Variants in KLF12 observed in about 807,000 individuals in gnomAD.
The protein encoded by KLF12 is KLF transcription factor 12.
A neutral mutation model predicts 37.8 loss-of-function variants in KLF12; 9 were observed. The ratio of observed to expected loss-of-function variants is 0.24; its 90% CI spans 0.14 to 0.42. The LOEUF is 0.42. KLF12 is among the 10% of genes least tolerant of loss of function. KLF12 has a pLI of 1.00. For missense variants in KLF12, 411 were observed against 516.0 expected, an observed-to-expected ratio of 0.80 and a Z score of 1.97; for synonymous variants, 208 against 202.1, an observed-to-expected ratio of 1.03 and a Z score of -0.25.
intron 1 of KLF12, among the ~76,000 whole-genome samples, chr13:74,097,867 T>A (rs1201553537): frequency 3.9e-5 from 6 of 152,086 alleles, no homozygotes; most frequent in Non-Finnish European, 8.8e-5. Flanking sequence ...TATATATTTT[T>A]AAATATTCCT....
chr13:74,255,275 G>C, the KLF12 span, among the ~76,000 whole-genome samples: 1 of 152,204 alleles, frequency 6.6e-6, no homozygotes, highest in Non-Finnish European at 1.5e-5. Flanking sequence ...CTGTCTTCAA[G>C]TTAAAGAAGG....
the KLF12 span, among the ~76,000 whole-genome samples, chr13:74,205,889 A>T: frequency 6.6e-6 from 1 of 152,252 alleles, no homozygotes; most frequent in East Asian, 1.9e-4. Context: ...ATTGATGAAT[A>T]TGAACCCTGT....
the KLF12 span, among the ~76,000 whole-genome samples, chr13:74,157,270 A>C: frequency 2.0e-4 from 30 of 152,242 alleles, no homozygotes; most frequent in African/African-American, 7.2e-4. Context: ...TATTTTTTCC[A>C]AGTATCTCTT....
chr13:74,158,335 T>C, the KLF12 span, among the ~76,000 whole-genome samples: 1 of 152,168 alleles, frequency 6.6e-6, no homozygotes, highest in South Asian at 2.1e-4. Context: ...AGCTGGGAGT[T>C]GCTCAAATTC....
At chr13:73,805,177 T>C (rs780556203) in intron 5 of KLF12, among the ~76,000 whole-genome samples, 2 of 152,200 alleles carry the variant, frequency 1.3e-5, no homozygotes, top group African/African-American at 4.8e-5. Context: ...AAAAACACTC[T>C]ACTATTTTAC....
At position 73,690,158 on chromosome 13, in the gene KLF12, G is replaced by GA. The variant is rs376806932; in HGVS notation, c.*5331dup. 1 of 152,398 alleles carries GA rather than the reference G, an allele frequency of 6.6e-6. No individual in the cohort carries two copies. The highest frequency in any genetic ancestry group is 1.5e-5 in the Non-Finnish European group (1 of 67,990). The allele number at this position is 152,398 out of a possible 1,614,324, so 9.4% of individuals were successfully genotyped here. A position where few individuals can be genotyped will look rare whatever the true frequency, so the allele number is the denominator to read the frequency against. On this transcript the variant is annotated 3_prime_UTR_variant, in exon 8 of 8. Transcript: ENST00000377669. ...TGTGTGTGTGTGTTCACATGTGCAG[G>GA]AAAAAACCCAGTCTTATTAAGAATT... is the stretch of plus-strand genomic sequence containing the variant.
intron 6 of KLF12, among the ~76,000 whole-genome samples, chr13:73,717,188 T>C (rs1875881091): frequency 6.6e-6 from 1 of 152,192 alleles, no homozygotes. Context: ...AACAGTGGGC[T>C]GGCCAGGCAC....
chr13:74,195,869 C>T, the KLF12 span, among the ~76,000 whole-genome samples: 1 of 152,160 alleles, frequency 6.6e-6, no homozygotes, highest in Non-Finnish European at 1.5e-5. Flanking sequence ...CAGGTGTGAG[C>T]TACCGCACCT....
At chr13:73,962,594 T>C (rs1203862887) in intron 2 of KLF12, among the ~76,000 whole-genome samples, 1 of 152,084 alleles carries the variant, frequency 6.6e-6, no homozygotes, top group Non-Finnish European at 1.5e-5. Flanking sequence ...GAGGGGTAGA[T>C]GGGAACTCTC....
chr13:73,883,679 C>T (rs1224655472), intron 3 of KLF12, among the ~76,000 whole-genome samples: 1 of 152,132 alleles, frequency 6.6e-6, no homozygotes, highest in African/African-American at 2.4e-5. Flanking sequence ...ATCTTTGCTT[C>T]AAGGAGCTTA....
chr13:74,000,028 C>T lies in KLF12; in HGVS notation c.-31-4975G>A, dbSNP rs182119457. The stretch of plus-strand genomic sequence containing the variant: ...TTTCCATTTTACATGCTCCTTTTGC[C>T]CCCTTGTTAAACCGGTATCATAAGC... On this transcript the variant is annotated intron_variant, in intron 1 of 7. Coordinates refer to ENST00000377669, the MANE Select transcript of KLF12 (RefSeq NM_007249.5). 2.0e-5 allele frequency among the ~76,000 whole-genome samples: 3 copies of T among 152,182 alleles called. No individual in the cohort carries two copies. In the East Asian group the frequency reaches 5.8e-4, roughly 29 times the overall value.
At chr13:74,268,898 A>C in the KLF12 span, among the ~76,000 whole-genome samples, 1 of 152,198 alleles carries the variant, frequency 6.6e-6, no homozygotes. Context: ...GTATACTAAA[A>C]AGAGGGATTA....
chr13:74,127,448 G>A (rs1010049525), intron 1 of KLF12, among the ~76,000 whole-genome samples: 3 of 152,042 alleles, frequency 2.0e-5, no homozygotes, highest in South Asian at 2.1e-4. Flanking sequence ...AATACCAACC[G>A]GAACACAGTG....
At chr13:74,228,254 T>C in the KLF12 span, among the ~76,000 whole-genome samples, 2 of 152,068 alleles carry the variant, frequency 1.3e-5, no homozygotes, top group Non-Finnish European at 2.9e-5. Flanking sequence ...AATCTGAAAC[T>C]ATATTATATA....
chr13:74,087,508 T>C (rs1298703439), intron 1 of KLF12, among the ~76,000 whole-genome samples: 1 of 152,118 alleles, frequency 6.6e-6, no homozygotes, highest in Admixed American at 6.6e-5. Flanking sequence ...GGGCTCAACG[T>C]CTGCTGAATA....
intron 7 of KLF12, among the ~76,000 whole-genome samples, chr13:73,710,932 G>C (rs1875354125): frequency 6.6e-6 from 1 of 152,212 alleles, no homozygotes; most frequent in South Asian, 2.1e-4. Flanking sequence ...CAAAGGAAAA[G>C]TTCCAGAAGG....
chr13:73,849,591 G>T (rs377200856), intron 3 of KLF12, among the ~76,000 whole-genome samples: 1 of 152,038 alleles, frequency 6.6e-6, no homozygotes, highest in Non-Finnish European at 1.5e-5. Context: ...GAGATACGGG[G>T]TATGCCACTC....
intron 1 of KLF12, among the ~76,000 whole-genome samples, chr13:74,040,175 A>G (rs778065370): frequency 6.6e-6 from 1 of 152,248 alleles, no homozygotes; most frequent in African/African-American, 2.4e-5. Flanking sequence ...TAAACAGGAC[A>G]GATGTGATAG....
chr13:73,751,038 T>A (rs1369778568), intron 6 of KLF12, among the ~76,000 whole-genome samples: 1 of 152,236 alleles, frequency 6.6e-6, no homozygotes, highest in African/African-American at 2.4e-5. Flanking sequence ...TTTATAATAA[T>A]CACTGTAGGC....
Sources: allele counts gnomAD v4.1 joint callset (sites outside exome capture counted in the v4.1 genomes callset), GRCh38; gene constraint gnomAD v4.1.1; transcripts MANE v1.5; gene names NCBI Gene and HGNC (gene_info 2026-07-23, HGNC 2026-07-21).